The following RHOBTB1 variants were observed in gnomAD, a reference collection of about 807,000 sequenced individuals.
The protein encoded by RHOBTB1 is Rho related BTB domain containing 1.
Under a neutral mutation model 71.6 loss-of-function variants are expected in RHOBTB1, and 40 were observed. The ratio of observed to expected loss-of-function variants is 0.56; its 90% confidence interval spans 0.43 to 0.73. RHOBTB1 has a LOEUF of 0.73. RHOBTB1 is among the 30% of genes least tolerant of loss of function. The probability of loss-of-function intolerance (pLI) is 0.00; values close to 1 mark genes in which losing one functional copy is unlikely to be tolerated. For missense variants in RHOBTB1, 797 were observed against 894.0 expected (o/e 0.89, Z 1.38); for synonymous variants, 319 against 334.9 (o/e 0.95, Z 0.52).
At chr10:60,982,329 G>C (rs574193806) in intron 2 of RHOBTB1, among the ~76,000 whole-genome samples, 1 of 152,162 alleles carries the variant, frequency 6.6e-6, no homozygotes, top group African/African-American at 2.4e-5. Flanking sequence ...ACAGTACTCA[G>C]TACGGATACC....
chr10:60,920,166 T>G (rs1365879667), intron 2 of RHOBTB1, among the ~76,000 whole-genome samples: 1 of 152,212 alleles, frequency 6.6e-6, no homozygotes, highest in East Asian at 1.9e-4. Context: ...TAAGGCAGTC[T>G]TAATTTAAAA....
At chr10:60,950,886 C>T (rs1342933980) in intron 2 of RHOBTB1, among the ~76,000 whole-genome samples, 1 of 152,098 alleles carries the variant, frequency 6.6e-6, no homozygotes, top group Non-Finnish European at 1.5e-5. Context: ...TAAAAGCTTC[C>T]ACCAAATTGT....
the RHOBTB1 span, among the ~76,000 whole-genome samples, chr10:60,861,692 C>A: frequency 6.6e-6 from 1 of 152,108 alleles, no homozygotes; most frequent in Non-Finnish European, 1.5e-5. Flanking sequence ...TTGGAAAGAG[C>A]TAGTTTCAAC....
In RHOBTB1 at chr10:60,871,559, T is replaced by G; in HGVS notation, c.2014A>C (p.Lys672Gln). The change falls in exon 11 of 11, where the codon AAG (lysine) becomes CAG (glutamine). Residue 672 changes from lysine to glutamine, a missense_variant. Physicochemically the swap from Lys to Gln is moderately conservative, Grantham distance 53. Coordinates refer to ENST00000337910, the MANE Select transcript of RHOBTB1 (RefSeq NM_014836.5). ...TGCTTATTTAGTGCAATATCTTCCTTCTCTCGTTCCCTTTTCACACGCTGG... is the reference window on the plus strand; with the variant it reads ...TGCTTATTTAGTGCAATATCTTCCTGCTCTCGTTCCCTTTTCACACGCTGG... ...HYQRVKRERE[K>Q]EDIALNKHRS... 6.2e-7 allele frequency: 1 copy of G among 1,614,136 alleles called. No homozygotes were observed. Among genetic ancestry groups the G allele is most frequent in the Non-Finnish European group, 8.5e-7 (1 of 1,180,008 alleles).
At chr10:60,931,161 A>C (rs2084226482) in intron 2 of RHOBTB1, among the ~76,000 whole-genome samples, 1 of 152,090 alleles carries the variant, frequency 6.6e-6, no homozygotes, top group East Asian at 1.9e-4. Context: ...TGCACGTCTT[A>C]TTTTTTTAAA....
intron 2 of RHOBTB1, among the ~76,000 whole-genome samples, chr10:60,929,211 C>T (rs943629245): frequency 7.2e-5 from 11 of 151,948 alleles, no homozygotes; most frequent in Non-Finnish European, 1.5e-4. Context: ...CCATATCACC[C>T]AATTACCATG....
At chr10:60,932,416 TTACATAGA>T (rs2084308009) in intron 2 of RHOBTB1, among the ~76,000 whole-genome samples, 1 of 150,148 alleles carries the variant, frequency 6.7e-6, no homozygotes, top group Non-Finnish European at 1.5e-5. Flanking sequence ...TAGGTGCCAG[TTACATAGA>T]TATGTTCAGT....
intron 8 of RHOBTB1, among the ~76,000 whole-genome samples, chr10:60,875,319 TA>T (rs1308092868): frequency 6.6e-6 from 1 of 152,216 alleles, no homozygotes; most frequent in East Asian, 1.9e-4. Flanking sequence ...TGCAGGATGA[TA>T]ACTCCTGGCC....
chr10:60,912,612 G>A (rs2133439122), intron 2 of RHOBTB1, among the ~76,000 whole-genome samples: 2 of 152,298 alleles, frequency 1.3e-5, no homozygotes, highest in Middle Eastern at 3.4e-3. Context: ...AAGAAATCTG[G>A]AACATATGGC....
chr10:60,983,861 A>G (rs1414906310), intron 2 of RHOBTB1, among the ~76,000 whole-genome samples: 2 of 152,126 alleles, frequency 1.3e-5, no homozygotes, highest in African/African-American at 2.4e-5. Context: ...CTGTCCCTCT[A>G]CTTCTTCCAT....
At chr10:60,972,424 C>G (rs2086188740) in intron 2 of RHOBTB1, among the ~76,000 whole-genome samples, 1 of 152,058 alleles carries the variant, frequency 6.6e-6, no homozygotes, top group African/African-American at 2.4e-5. Context: ...TCTCAGCAAA[C>G]TAACACAGGA....
intron 2 of RHOBTB1, among the ~76,000 whole-genome samples, chr10:60,912,195 G>A (rs909116285): frequency 6.2e-5 from 9 of 144,402 alleles, no homozygotes; most frequent in African/African-American, 2.2e-4. Flanking sequence ...AAATATATAT[G>A]TGTGTGTGTA....
intron 7 of RHOBTB1, among the ~76,000 whole-genome samples, chr10:60,883,481 G>A (rs188347222): frequency 3.7e-4 from 57 of 152,268 alleles, no homozygotes; most frequent in Non-Finnish European, 5.1e-4. Flanking sequence ...TTGTGCCTGC[G>A]TTCCTGACCT....
chr10:60,973,731 A>C (rs970246928), intron 2 of RHOBTB1, among the ~76,000 whole-genome samples: 1 of 152,050 alleles, frequency 6.6e-6, no homozygotes, highest in Non-Finnish European at 1.5e-5. Flanking sequence ...GAATAAGCAA[A>C]ATAATTAAGT....
intron 8 of RHOBTB1, 150 bp from the exon 9 acceptor site, chr10:60,875,192 C>G (rs563214425): frequency 4.8e-6 from 3 of 629,940 alleles, no homozygotes; most frequent in Admixed American, 2.6e-5. Flanking sequence ...AGAAGCTGCT[C>G]TGATGTGTGG....
rs77775825 is a variant in RHOBTB1 at position 60,872,638 on chromosome 10, C to T, written c.1816-348G>A. 3.2e-3 allele frequency among the ~76,000 whole-genome samples: 491 copies of T among 151,660 alleles called. 2 individuals carry two copies. The highest frequency in any genetic ancestry group is 0.011 in the African/African-American group (446 of 41,302). On this transcript the variant is annotated intron_variant, in intron 9 of 10. Coordinates refer to ENST00000337910, the MANE Select transcript of RHOBTB1 (RefSeq NM_014836.5). The stretch of plus-strand genomic sequence containing the variant: ...GGCACCAGCCCACAGCAGAAAGCAG[C>T]GATGTCATCTCTGTTTAAGGAAGCC...
intron 4 of RHOBTB1, 64 bp from the exon 5 acceptor site, chr10:60,893,059 G>A: frequency 7.9e-7 from 1 of 1,271,296 alleles, no homozygotes; most frequent in Non-Finnish European, 1.1e-6. Flanking sequence ...TTACCATTAT[G>A]GTTCCTCTCA....
At chr10:60,891,500 C>A (rs150173570) in intron 5 of RHOBTB1, among the ~76,000 whole-genome samples, 2 of 151,710 alleles carry the variant, frequency 1.3e-5, no homozygotes, top group African/African-American at 4.8e-5. Flanking sequence ...ACCACCAGTC[C>A]TGGCTGATTT....
At chr10:60,918,287 T>C (rs1353074188) in intron 2 of RHOBTB1, among the ~76,000 whole-genome samples, 1 of 152,212 alleles carries the variant, frequency 6.6e-6, no homozygotes, top group East Asian at 1.9e-4. Flanking sequence ...TTAGTTAGCC[T>C]GGTCTCCTCT....
Sources: gnomAD v4.1 joint callset for allele counts (sites outside exome capture counted in the v4.1 genomes callset) on GRCh38, gnomAD v4.1.1 for gene constraint, MANE v1.5 for transcripts, NCBI Gene and HGNC (gene_info 2026-07-23, HGNC 2026-07-21) for gene names.